Variants in KCNMB2 observed in about 807,000 individuals in gnomAD.
KCNMB2 encodes the protein potassium calcium-activated channel subfamily M regulatory beta subunit 2.
In KCNMB2, 9 loss-of-function variants were observed where a neutral mutation model predicts 24.5. That is an observed-to-expected ratio of 0.37 (90% CI 0.22 to 0.64). The LOEUF is 0.64. Ranked by LOEUF, KCNMB2 falls within the 30% of genes least tolerant of loss-of-function variation. The pLI, the probability that KCNMB2 is intolerant of heterozygous loss-of-function variation, is 0.63. For synonymous variants in KCNMB2, 109 were observed against 104.4 expected (o/e 1.04, Z -0.27); for missense variants, 226 against 284.3 (o/e 0.79, Z 1.47).
intron 1 of KCNMB2, among the ~76,000 whole-genome samples, chr3:178,723,737 G>A (rs540051112): frequency 6.6e-6 from 1 of 152,028 alleles, no homozygotes; most frequent in African/African-American, 2.4e-5. Flanking sequence ...GAGAATATGT[G>A]GTACTTTATT....
intron 1 of KCNMB2, among the ~76,000 whole-genome samples, chr3:178,710,692 T>G (rs1351542623): frequency 6.6e-6 from 1 of 152,176 alleles, no homozygotes; most frequent in Non-Finnish European, 1.5e-5. Context: ...AAAGCCATTA[T>G]GCAGATGAAA....
At chr3:178,807,280 ATG>A (rs1714008067) in intron 1 of KCNMB2, 61 bp from the exon 2 acceptor site, 1 of 647,302 alleles carries the variant, frequency 1.5e-6, no homozygotes, top group South Asian at 2.1e-5. Context: ...CCCTGTTGTT[ATG>A]TAAGAGTCAA....
At chr3:178,744,157 A>G (rs1577143103) in intron 1 of KCNMB2, among the ~76,000 whole-genome samples, 1 of 152,246 alleles carries the variant, frequency 6.6e-6, no homozygotes, top group East Asian at 1.9e-4. Flanking sequence ...AGTTAATAAC[A>G]CGGTATTTCA....
chr3:178,703,874 G>A (rs1324168243), intron 1 of KCNMB2, among the ~76,000 whole-genome samples: 1 of 152,130 alleles, frequency 6.6e-6, no homozygotes, highest in Non-Finnish European at 1.5e-5. Flanking sequence ...ATTATAAGAT[G>A]TTAGAGTGAG....
chr3:178,564,605 A>C (rs981167344), intron 1 of KCNMB2, among the ~76,000 whole-genome samples: 1 of 152,218 alleles, frequency 6.6e-6, no homozygotes, highest in African/African-American at 2.4e-5. Flanking sequence ...GCATTGCCTT[A>C]TCGAATCCCC....
intron 1 of KCNMB2, among the ~76,000 whole-genome samples, chr3:178,786,793 A>G (rs1168694431): frequency 6.6e-6 from 1 of 151,162 alleles, no homozygotes. Flanking sequence ...ATGTAATATG[A>G]CTCACCTAAA....
At position 178,798,455 on chromosome 3, in the gene KCNMB2, C is replaced by T. The variant is rs1036508302; in HGVS notation, c.-67-8888C>T. 1.3e-4 allele frequency among the ~76,000 whole-genome samples: 20 copies of T among 151,930 alleles called. 1 individual carries two copies. The East Asian group carries it at 2.1e-3, about 16-fold the overall frequency. ...CTCATTGCAGCACTATTCACAACAG[C>T]AAAGACATGGAATCAACCCAAATGC... On this transcript the variant is annotated intron_variant, in intron 1 of 4. Transcript: ENST00000452583.
intron 1 of KCNMB2, among the ~76,000 whole-genome samples, chr3:178,566,976 G>A (rs989654530): frequency 2.8e-4 from 43 of 152,240 alleles, no homozygotes; most frequent in Middle Eastern, 3.4e-3. Flanking sequence ...AGGTACTGAG[G>A]ATGCATTATG....
chr3:178,842,441 C>A (rs926522566), intron 4 of KCNMB2, among the ~76,000 whole-genome samples: 1 of 152,064 alleles, frequency 6.6e-6, no homozygotes, highest in Non-Finnish European at 1.5e-5. Flanking sequence ...TATGGGTGAG[C>A]AATCAAGGGA....
At chr3:178,705,926 G>A (rs922741387) in intron 1 of KCNMB2, among the ~76,000 whole-genome samples, 5 of 152,096 alleles carry the variant, frequency 3.3e-5, no homozygotes, top group African/African-American at 4.8e-5. Context: ...CATAGAAGCG[G>A]AGGAAGAAAG....
intron 1 of KCNMB2, among the ~76,000 whole-genome samples, chr3:178,713,592 C>T (rs1435952658): frequency 6.6e-6 from 1 of 152,168 alleles, no homozygotes; most frequent in Non-Finnish European, 1.5e-5. Flanking sequence ...TTGCAGTAGA[C>T]TCCTGCTCTG....
chr3:178,833,352 CAGGGAAAAA>C (rs1324697233), intron 4 of KCNMB2, among the ~76,000 whole-genome samples: 2 of 152,104 alleles, frequency 1.3e-5, no homozygotes, highest in African/African-American at 4.8e-5. Context: ...CAAATGCTCC[CAGGGAAAAA>C]AGGCACCAAA....
chr3:178,672,235 G>A lies in KCNMB2; in HGVS notation c.-67-135108G>A, dbSNP rs558502552. 2.0e-5 allele frequency among the ~76,000 whole-genome samples: 3 copies of A among 152,254 alleles called. No individual in the cohort carries two copies. The East Asian group carries it at 5.8e-4, about 29-fold the overall frequency. On this transcript the variant is annotated intron_variant, in intron 1 of 4. Transcript: ENST00000452583. ...CTCTACTGATCACCTTCTATGTAAAGCCTTGTCACATGGATTCCTTACCAC... is the reference window on the plus strand; with the variant it reads ...CTCTACTGATCACCTTCTATGTAAAACCTTGTCACATGGATTCCTTACCAC...
intron 2 of KCNMB2, among the ~76,000 whole-genome samples, chr3:178,824,392 G>A (rs1484089230): frequency 6.6e-6 from 1 of 151,786 alleles, no homozygotes; most frequent in Non-Finnish European, 1.5e-5. Flanking sequence ...TTTCGAGATG[G>A]AGACTCGCTC....
chr3:178,840,312 T>C (rs754319529), intron 4 of KCNMB2, among the ~76,000 whole-genome samples: 14 of 152,182 alleles, frequency 9.2e-5, no homozygotes, highest in Non-Finnish European at 2.1e-4. Context: ...CTGCAGTTGC[T>C]TTCCCGGGCT....
intron 1 of KCNMB2, among the ~76,000 whole-genome samples, chr3:178,646,320 A>G (rs1036254287): frequency 1.4e-4 from 22 of 152,270 alleles, no homozygotes; most frequent in African/African-American, 3.9e-4. Flanking sequence ...CAATGGCTCA[A>G]CCTCCATGAC....
chr3:178,672,279 G>A (rs1053549191), intron 1 of KCNMB2, among the ~76,000 whole-genome samples: 1 of 152,168 alleles, frequency 6.6e-6, no homozygotes, highest in Non-Finnish European at 1.5e-5. Context: ...GAGGGGTGCA[G>A]GAGGTAGTAG....
In KCNMB2 at chr3:178,844,126, CGAGG is replaced by C. The variant is rs1230970046; in HGVS notation, c.*1192_*1195del. 7 of 152,312 alleles carry C rather than the reference CGAGG, an allele frequency of 4.6e-5. No homozygotes were observed. Among genetic ancestry groups the C allele is most frequent in the African/African-American group, 1.7e-4 (7 of 41,392 alleles). 9.4% of individuals were successfully genotyped at this position (152,312 alleles called of 1,614,324 possible). On this transcript the variant is annotated 3_prime_UTR_variant, in exon 5 of 5. Transcript: ENST00000452583. Reference sequence around the variant, plus strand: ...TTACTTTTGTGTTTGGGGGAAAATACGAGGGATTGATTTTAAATAAAAAACATTC... The same window carrying C: ...TTACTTTTGTGTTTGGGGGAAAATACGATTGATTTTAAATAAAAAACATTC...
intron 1 of KCNMB2, among the ~76,000 whole-genome samples, chr3:178,667,242 A>G (rs1389764834): frequency 6.6e-6 from 1 of 152,150 alleles, no homozygotes; most frequent in Non-Finnish European, 1.5e-5. Context: ...ACAGACACAC[A>G]GAGAAGACCA....
Sources: allele counts gnomAD v4.1 joint callset (sites outside exome capture counted in the v4.1 genomes callset), GRCh38; gene constraint gnomAD v4.1.1; transcripts MANE v1.5; gene names NCBI Gene and HGNC (gene_info 2026-07-23, HGNC 2026-07-21).